TBC1D8: variants seen among roughly 807,000 people sequenced by gnomAD.
TBC1D8 encodes TBC1 domain family member 8.
A neutral mutation model predicts 118.8 loss-of-function variants in TBC1D8; 65 were observed. That is an observed-to-expected ratio of 0.55 (90% CI 0.45 to 0.67). The LOEUF (loss-of-function observed/expected upper bound fraction) is 0.67, where lower values mean the gene tolerates loss of function less well. Ranked by LOEUF, TBC1D8 falls within the 30% of genes least tolerant of loss-of-function variation. The probability of loss-of-function intolerance (pLI) is 0.00; values close to 1 mark genes in which losing one functional copy is unlikely to be tolerated. For synonymous variants in TBC1D8, 566 were observed against 595.8 expected (o/e 0.95, Z 0.73); for missense variants, 1,376 against 1,471.2 (o/e 0.94, Z 1.06).
At chr2:101,045,078 A>G (rs4850958) in intron 5 of TBC1D8, among the ~76,000 whole-genome samples, 40,929 of 152,018 alleles carry the variant, frequency 0.27, 8,187 homozygotes, top group African/African-American at 0.55. Flanking sequence ...ACTGTAAGTA[A>G]GGAGGGAATA....
chr2:101,066,083 C>T (rs531310413), intron 2 of TBC1D8, among the ~76,000 whole-genome samples: 5 of 152,070 alleles, frequency 3.3e-5, no homozygotes, highest in Non-Finnish European at 7.4e-5. Flanking sequence ...AGTTTGAGAC[C>T]AGCCTGGCCA....
chr2:101,090,145 C>A, intron 2 of TBC1D8, 64 bp downstream of exon 2: 2 of 1,532,624 alleles, frequency 1.3e-6, no homozygotes, highest in Non-Finnish European at 1.8e-6. Flanking sequence ...GCTTCACCAA[C>A]ATGCAGATAC....
At chr2:101,089,624 T>G (rs1312092567) in intron 2 of TBC1D8, among the ~76,000 whole-genome samples, 2 of 151,928 alleles carry the variant, frequency 1.3e-5, no homozygotes, top group Non-Finnish European at 2.9e-5. Context: ...ACTCATTCTC[T>G]CAGTGCAAAG....
intron 2 of TBC1D8, among the ~76,000 whole-genome samples, chr2:101,086,832 C>CTGGA (rs1331924997): frequency 6.6e-6 from 1 of 152,140 alleles, no homozygotes; most frequent in Non-Finnish European, 1.5e-5. Context: ...GTTGTCCAGG[C>CTGGA]TGGAGTGTAA....
intron 1 of TBC1D8, among the ~76,000 whole-genome samples, chr2:101,111,668 CGA>C (rs1489963432): frequency 2.6e-5 from 4 of 152,110 alleles, no homozygotes; most frequent in African/African-American, 9.7e-5. Context: ...GTGTCTGGAG[CGA>C]GTTACGCTAC....
chr2:101,018,949 G>C (rs778075128), intron 17 of TBC1D8: 3 of 1,599,980 alleles, frequency 1.9e-6, no homozygotes, highest in South Asian at 2.3e-5. Flanking sequence ...CTCTTCGTCT[G>C]TGTGTTACCT....
At chr2:101,134,042 T>C (rs1678716348) in intron 1 of TBC1D8, among the ~76,000 whole-genome samples, 2 of 152,086 alleles carry the variant, frequency 1.3e-5, no homozygotes, top group Non-Finnish European at 2.9e-5. Context: ...CCTCGACATG[T>C]GGGGATTACA....
At position 101,111,395 on chromosome 2, in the gene TBC1D8, C is replaced by T. The variant is rs370234264; in HGVS notation, c.128-21031G>A. Among the ~76,000 whole-genome samples, 7 of 152,324 alleles carry T rather than the reference C, an allele frequency of 4.6e-5. No individual in the cohort carries two copies. In the East Asian group the frequency reaches 7.7e-4, roughly 17 times the overall value. ...CGTTTATAACTAAGCAGACAACATG[C>T]GCGGTCCTGTGCCCATCATGGCTGG... On this transcript the variant is annotated intron_variant, in intron 1 of 19. Coordinates refer to ENST00000409318, the MANE Select transcript of TBC1D8 (RefSeq NM_001330348.2).
At chr2:101,143,770 C>G (rs1455186822) in intron 1 of TBC1D8, among the ~76,000 whole-genome samples, 1 of 152,138 alleles carries the variant, frequency 6.6e-6, no homozygotes, top group Non-Finnish European at 1.5e-5. Context: ...CTATGTTGCC[C>G]AGGCTGGTTT....
At chr2:101,113,810 A>G (rs1480327779) in intron 1 of TBC1D8, among the ~76,000 whole-genome samples, 1 of 152,236 alleles carries the variant, frequency 6.6e-6, no homozygotes, top group African/African-American at 2.4e-5. Context: ...AAAATAAAAA[A>G]ACGGTTGCTC....
intron 19 of TBC1D8, among the ~76,000 whole-genome samples, chr2:101,008,726 C>G (rs1464984464): frequency 6.6e-6 from 1 of 151,784 alleles, no homozygotes; most frequent in African/African-American, 2.4e-5. Flanking sequence ...GCAGGAGAAT[C>G]GCTTAAACCC....
chr2:101,110,126 C>G (rs920523407), intron 1 of TBC1D8: 23 of 583,314 alleles, frequency 3.9e-5, no homozygotes, highest in Non-Finnish European at 8.6e-6. Context: ...TAGAGGCCTA[C>G]TAATAATTTG....
intron 1 of TBC1D8, among the ~76,000 whole-genome samples, chr2:101,109,190 C>G (rs1001047433): frequency 1.3e-5 from 2 of 152,076 alleles, no homozygotes; most frequent in African/African-American, 4.8e-5. Flanking sequence ...CTAGAGCATT[C>G]AGGGTGGAAC....
chr2:101,053,426 T>A (rs961338872), intron 4 of TBC1D8, among the ~76,000 whole-genome samples: 2 of 152,250 alleles, frequency 1.3e-5, no homozygotes, highest in East Asian at 3.9e-4. Flanking sequence ...TGGTTCAACT[T>A]GAAATATAAA....
At chr2:101,067,688 T>C (rs1351448435) in intron 2 of TBC1D8, among the ~76,000 whole-genome samples, 2 of 152,224 alleles carry the variant, frequency 1.3e-5, no homozygotes, top group African/African-American at 2.4e-5. Flanking sequence ...GCCTTAATGT[T>C]GATGGCTGCT....
At chr2:101,011,608 C>G in intron 17 of TBC1D8, 68 bp from the exon 18 acceptor site, 1 of 1,547,188 alleles carries the variant, frequency 6.5e-7, no homozygotes, top group East Asian at 2.2e-5. Flanking sequence ...AGTAATGTAG[C>G]TTTCTAGGCA....
At chr2:101,118,743 G>A (rs554669663) in intron 1 of TBC1D8, among the ~76,000 whole-genome samples, 2 of 150,108 alleles carry the variant, frequency 1.3e-5, no homozygotes, top group Admixed American at 6.6e-5. Context: ...AGTGGCTCAC[G>A]CCTGTAATCC....
At chr2:101,022,171 C>T in intron 16 of TBC1D8, 110 bp downstream of exon 16, 2 of 1,525,764 alleles carry the variant, frequency 1.3e-6, no homozygotes, top group Non-Finnish European at 1.8e-6. Flanking sequence ...TCAGGCCAGT[C>T]ACAAAAGTGT....
chr2:101,029,676 A>G lies in TBC1D8; in HGVS notation c.2037T>C (p.Ser679=). The G allele has an allele frequency of 8.7e-6, 14 of 1,614,006 alleles. No homozygotes were observed. The highest frequency in any genetic ancestry group is 1.2e-5 in the Non-Finnish European group (14 of 1,179,890). ...MNDLSALASV[S]LSWFLTLFLS... ...GGAACAGGGTCAGGAACCACGAGAG[A>G]GAGACGGACGCCAGGGCTGAGAGGT... The change falls in exon 12 of 20, where the codon TCT becomes TCC. Residue 679 remains serine, a synonymous_variant. Coordinates refer to ENST00000409318, the MANE Select transcript of TBC1D8 (RefSeq NM_001330348.2).
Sources: gnomAD v4.1 joint callset for allele counts (sites outside exome capture counted in the v4.1 genomes callset) on GRCh38, gnomAD v4.1.1 for gene constraint, MANE v1.5 for transcripts, NCBI Gene and HGNC (gene_info 2026-07-23, HGNC 2026-07-21) for gene names.